The following FBXW9 variants were observed in gnomAD, a reference collection of about 807,000 sequenced individuals.
FBXW9 encodes F-box and WD repeat domain containing 9.
Under a neutral mutation model 55.8 loss-of-function variants are expected in FBXW9, and 38 were observed. The observed-to-expected ratio is 0.68, with a 90% CI of 0.53 to 0.89. The LOEUF (loss-of-function observed/expected upper bound fraction) is 0.89, where lower values mean the gene tolerates loss of function less well. FBXW9 is among the 40% of genes least tolerant of loss of function. FBXW9 has a pLI of 0.00. For synonymous variants in FBXW9, 289 were observed against 278.2 expected, an observed-to-expected ratio of 1.04 and a Z score of -0.38; for missense variants, 590 against 619.4, an observed-to-expected ratio of 0.95 and a Z score of 0.50.
Position 12,689,105 on chromosome 19 carries a change from G to A in FBXW9, c.*111C>T, listed in dbSNP as rs761180594. On this transcript the variant is annotated 3_prime_UTR_variant, in exon 10 of 10. Transcript: ENST00000393261. The surrounding 1 kb of genome is among the most constrained non-coding windows in gnomAD (Gnocchi z 5.9). ...CACCCGAATGTGGCTGGGACTCCTT[G>A]TGCCCTAGGCCCACGGGGCGGAGGC... is the stretch of plus-strand genomic sequence containing the variant. 52 of 900,638 alleles carry A rather than the reference G, an allele frequency of 5.8e-5. No individual in the cohort carries two copies. Among genetic ancestry groups the A allele is most frequent in the Non-Finnish European group, 8.4e-5 (46 of 546,662 alleles). The allele number at this position is 900,638 out of a possible 1,614,324, so 55.8% of individuals were successfully genotyped here.
chr19:12,695,076 ACC>A lies in FBXW9; in HGVS notation c.410-140_410-139del, dbSNP rs2025057631. ...GAACCCCATGGAGATCCCTACTCCC[ACC>A]CCAAGCCGACCCAGGCTGTGGTCTT... is the stretch of plus-strand genomic sequence containing the variant. On this transcript the variant is annotated intron_variant, in intron 1 of 9. Transcript: ENST00000393261. 3.0e-6 allele frequency: 3 copies of A among 990,268 alleles called. No homozygotes were observed. The East Asian group carries it at 7.9e-5, about 26-fold the overall frequency. The allele number at this position is 990,268 out of a possible 1,614,324, so 61.3% of individuals were successfully genotyped here.
chr19:12,694,915 C>G lies in FBXW9; in HGVS notation c.433G>C (p.Ala145Pro). The stretch of plus-strand genomic sequence containing the variant: ...AGGTGCTGCTCCAGCGCAATGCAGG[C>G]TGCCGGCCAGTCAAAGTTCTTCTCT... ...VEEKNFDWPAACIALEQHLSR... is the reference protein window; with the variant it reads ...VEEKNFDWPAPCIALEQHLSR... Residue 145 changes from alanine to proline, a missense_variant, in exon 2 of 10, where the codon GCC (alanine) becomes CCC (proline). Ala to Pro is a conservative substitution (Grantham distance 27, BLOSUM62 -1). Transcript: ENST00000393261. 3 of 1,613,826 alleles carry G rather than the reference C, an allele frequency of 1.9e-6. No homozygotes were observed. Among genetic ancestry groups the G allele is most frequent in the Non-Finnish European group, 2.5e-6 (3 of 1,180,016 alleles).
chr19:12,690,134 G>C (rs370370005), intron 5 of FBXW9, 24 bp from the exon 6 acceptor site: 2 of 1,612,938 alleles, frequency 1.2e-6, no homozygotes, highest in African/African-American at 2.7e-5. Context: ...GGGCCGGTGA[G>C]GAGGGATATC....
intron 5 of FBXW9, among the ~76,000 whole-genome samples, chr19:12,690,935 G>A (rs956943329): frequency 6.6e-6 from 1 of 152,162 alleles, no homozygotes; most frequent in East Asian, 1.9e-4. Context: ...CTTGTCTGGA[G>A]GTCACACAGC....
At chr19:12,692,110 A>C (rs913033039) in intron 3 of FBXW9, among the ~76,000 whole-genome samples, 7 of 150,536 alleles carry the variant, frequency 4.7e-5, no homozygotes, top group African/African-American at 1.7e-4. Flanking sequence ...TCCAGGCATG[A>C]ATGCAGTGGT....
rs1194986667 is a variant in FBXW9, at chr19:12,696,549, G to T, written c.33C>A (p.Ser11=). ...GGTCCGAGTCATCGTCCCAGGTGCG[G>T]GAATCATCGCACCGCCCTAGGGGAA... The part of the protein sequence containing the change: MELPLGRCDD[S]RTWDDDSDPE... The change falls in exon 1 of 10, where the codon TCC becomes TCA. Residue 11 remains serine (S), a synonymous_variant. Transcript: ENST00000393261. 3.7e-6 allele frequency: 6 copies of T among 1,611,882 alleles called. No homozygotes were observed. Among genetic ancestry groups the T allele is most frequent in the Non-Finnish European group, 5.1e-6 (6 of 1,179,962 alleles).
At chr19:12,692,889 A>G (rs528013044) in intron 3 of FBXW9, among the ~76,000 whole-genome samples, 1 of 152,300 alleles carries the variant, frequency 6.6e-6, no homozygotes, top group South Asian at 2.1e-4. Context: ...TTGAAGCCAC[A>G]TGACAAGTGA....
Position 12,688,925 on chromosome 19 carries a change from C to G in FBXW9, c.*291G>C, listed in dbSNP as rs1417293748. 1 of 578,534 alleles carries G rather than the reference C, an allele frequency of 1.7e-6. No individual in the cohort carries two copies. Among genetic ancestry groups the G allele is most frequent in the Non-Finnish European group, 3.2e-6 (1 of 309,268 alleles). 35.8% of individuals were successfully genotyped at this position (578,534 alleles called of 1,614,324 possible). A position where few individuals can be genotyped will look rare whatever the true frequency, so the allele number is the denominator to read the frequency against. On this transcript the variant is annotated 3_prime_UTR_variant, in exon 10 of 10. Coordinates refer to ENST00000393261, the MANE Select transcript of FBXW9 (RefSeq NM_032301.3). Reference sequence around the variant, plus strand: ...ACACTCACACTCCAGGCCCAAGCACCAACATGTCAGGTTTATTTCTCCTTC... The same window carrying G: ...ACACTCACACTCCAGGCCCAAGCACGAACATGTCAGGTTTATTTCTCCTTC...
In FBXW9 at chr19:12,689,145, G is replaced by A; in HGVS notation, c.*71C>T. 8.1e-7 allele frequency: 1 copy of A among 1,227,596 alleles called. No individual in the cohort carries two copies. The highest frequency in any genetic ancestry group is 1.2e-6 in the Non-Finnish European group (1 of 828,828). 76.0% of individuals were successfully genotyped at this position (1,227,596 alleles called of 1,614,324 possible). On this transcript the variant is annotated 3_prime_UTR_variant, in exon 10 of 10. Transcript: ENST00000393261. The surrounding 1 kb of genome is among the most constrained non-coding windows in gnomAD (Gnocchi z 5.9). ...GGGGCGGAGGCAGCACCAACATTGG[G>A]GATGGTCCCCCAAGAACAGAGGAGG...
rs993470140 is a variant in FBXW9, at chr19:12,689,583, G to A, written c.1194C>T (p.Ser398=). The change falls in exon 8 of 10, where the codon TCC becomes TCT. Residue 398 remains serine, a synonymous_variant. Transcript: ENST00000393261. This position sits in a 1 kb window ranked among gnomAD's most constrained non-coding sequence, Gnocchi z 5.9. The part of the protein sequence containing the change: ...HSFPITGIQY[S]VGALYTTSTD... ...TGGATGTGGTGTACAAGGCTCCCACGGAGTACTGGATCCCAGTGATGGGAA... is the reference window on the plus strand; with the variant it reads ...TGGATGTGGTGTACAAGGCTCCCACAGAGTACTGGATCCCAGTGATGGGAA... The A allele has an allele frequency of 9.9e-6, 16 of 1,613,990 alleles. No homozygotes were observed. Among genetic ancestry groups the A allele is most frequent in the Middle Eastern group, 1.6e-4 (1 of 6,084 alleles).
In FBXW9 at chr19:12,691,376, T is replaced by C. The variant is rs747051232; in HGVS notation, c.757A>G (p.Met253Val). 3 of 1,613,368 alleles carry C rather than the reference T, an allele frequency of 1.9e-6. No individual in the cohort carries two copies. Among genetic ancestry groups the C allele is most frequent in the East Asian group, 4.5e-5 (2 of 44,856 alleles). Residue 253 changes from methionine to valine, a missense_variant, in exon 4 of 10, where the codon ATG becomes GTG. Transcript: ENST00000393261. ...SWDSTVKLWDMAADGQQFGEI... is the reference protein window; with the variant it reads ...SWDSTVKLWDVAADGQQFGEI... ...CCGAACTGCTGCCCATCCGCTGCCA[T>C]GTCCCAGAGCTTCACTGTGCTGTCC...
chr19:12,693,559 TATACACACACACACACACAC>T (rs1485786858), intron 3 of FBXW9, among the ~76,000 whole-genome samples: 34 of 10,986 alleles, frequency 3.1e-3, no homozygotes, highest in African/African-American at 0.013. Flanking sequence ...TATATATATA[TATACACACACACACACACAC>T]ACACACACAC....
At position 12,689,011 on chromosome 19, in the gene FBXW9, CG is replaced by C; in HGVS notation, c.*204del. 1.4e-6 allele frequency: 1 copy of C among 698,752 alleles called. No individual in the cohort carries two copies. The highest frequency in any genetic ancestry group is 2.6e-6 in the Non-Finnish European group (1 of 382,578). 43.3% of individuals were successfully genotyped at this position (698,752 alleles called of 1,614,324 possible). On this transcript the variant is annotated 3_prime_UTR_variant, in exon 10 of 10. Transcript: ENST00000393261. The surrounding 1 kb of genome is among the most constrained non-coding windows in gnomAD (Gnocchi z 5.9). ...AAAACCAGGGCCCAAGAGTGGGAAG[CG>C]GCCCCCTGGGTGGGCCTGAACCCCA...
In FBXW9 at chr19:12,689,905, A is replaced by G. The variant is rs918461111; in HGVS notation, c.1033-31T>C. On this transcript the variant is annotated intron_variant, in intron 6 of 9. Transcript: ENST00000393261. This position sits in a 1 kb window ranked among gnomAD's most constrained non-coding sequence, Gnocchi z 5.9. ...AGAGGGACAAGGGACGGGACAGCTC[A>G]GGCCGGGCTGGGCCTGCAACAGTCC... 2 of 1,612,190 alleles carry G rather than the reference A, an allele frequency of 1.2e-6. No individual in the cohort carries two copies. The highest frequency in any genetic ancestry group is 1.7e-5 in the Admixed American group (1 of 59,994).
Position 12,688,981 on chromosome 19 carries a change from A to G in FBXW9, c.*235T>C. The G allele has an allele frequency of 1.5e-6, 1 of 686,594 alleles. No individual in the cohort carries two copies. The highest frequency in any genetic ancestry group is 2.7e-6 in the Non-Finnish European group (1 of 374,536). 42.5% of individuals were successfully genotyped at this position (686,594 alleles called of 1,614,324 possible). A position where few individuals can be genotyped will look rare whatever the true frequency, so the allele number is the denominator to read the frequency against. ...CAACTGAGAGCGGGGCATCCAAATC[A>G]TAACAAAACCAGGGCCCAAGAGTGG... On this transcript the variant is annotated 3_prime_UTR_variant, in exon 10 of 10. Coordinates refer to ENST00000393261, the MANE Select transcript of FBXW9 (RefSeq NM_032301.3).
At position 12,689,398 on chromosome 19, in the gene FBXW9, G is replaced by C; in HGVS notation, c.1276C>G (p.Arg426Gly). ...PTDPPRTICTRRHDNGLNRVC... is the reference protein window; with the variant it reads ...PTDPPRTICTGRHDNGLNRVC... ...CTATTGAGCCCATTGTCATGCCTTC[G>C]GGTGCAAATGGTCCTTGGTGGGTCT... The change falls in exon 9 of 10, where the codon CGA becomes GGA. Residue 426 changes from arginine to glycine, a missense_variant. Physicochemically the swap from Arg to Gly is moderately radical, Grantham distance 125. Transcript: ENST00000393261. This position sits in a 1 kb window ranked among gnomAD's most constrained non-coding sequence, Gnocchi z 5.9. 6.2e-7 allele frequency: 1 copy of C among 1,614,150 alleles called. No individual in the cohort carries two copies. The highest frequency in any genetic ancestry group is 8.5e-7 in the Non-Finnish European group (1 of 1,180,026).
At chr19:12,694,744 G>A (rs1203289662) in intron 2 of FBXW9, 22 bp from the exon 3 acceptor site, 14 of 1,614,152 alleles carry the variant, frequency 8.7e-6, no homozygotes, top group Non-Finnish European at 1.2e-5. Flanking sequence ...GCAAGGTGAT[G>A]TTGTCAGGGC....
intron 1 of FBXW9, 68 bp downstream of exon 1, chr19:12,696,105 T>A (rs1016013746): frequency 2.8e-6 from 4 of 1,426,608 alleles, no homozygotes; most frequent in African/African-American, 1.5e-5. Flanking sequence ...ATGTACCTCT[T>A]CCCCGCCCCA....
chr19:12,689,831 A>G lies in FBXW9; in HGVS notation c.1076T>C (p.Leu359Pro). 1 of 1,614,126 alleles carries G rather than the reference A, an allele frequency of 6.2e-7. No homozygotes were observed. The highest frequency in any genetic ancestry group is 8.5e-7 in the Non-Finnish European group (1 of 1,180,014). Residue 359 changes from leucine to proline, a missense_variant, in exon 7 of 10, where the codon CTC becomes CCC. Physicochemically the swap from Leu to Pro is moderately conservative, Grantham distance 98. Coordinates refer to ENST00000393261, the MANE Select transcript of FBXW9 (RefSeq NM_032301.3). The surrounding 1 kb of genome is among the most constrained non-coding windows in gnomAD (Gnocchi z 5.9). ...CAGGCCCTGGTTGTCACCAGCCCAG[A>G]GCTGGGGTTCCTGGTAGGACATGCA... ...LLCMSYQEPQ[L>P]WAGDNQGLLH...
Sources: gnomAD v4.1 joint callset for allele counts (sites outside exome capture counted in the v4.1 genomes callset) on GRCh38, gnomAD v4.1.1 for gene constraint, Gnocchi (gnomAD v3.1) non-coding constraint, MANE v1.5 for transcripts, NCBI Gene and HGNC (gene_info 2026-07-23, HGNC 2026-07-21) for gene names.